POC1B: variants seen among roughly 807,000 people sequenced by gnomAD.
POC1B encodes POC1 centriolar protein homolog B.
Under a neutral mutation model 60.6 loss-of-function variants are expected in POC1B, and 44 were observed. The observed-to-expected ratio is 0.73, with a 90% CI of 0.57 to 0.93. The LOEUF is 0.93. Among genes scored for constraint, POC1B ranks in the 40% least tolerant of loss-of-function variants. The pLI is 0.00. For missense variants in POC1B, 555 were observed against 572.3 expected (o/e 0.97, Z 0.31); for synonymous variants, 180 against 198.9 (o/e 0.90, Z 0.80).
chr12:89,524,991 C>T (rs1704648417), intron 2 of POC1B, 129 bp downstream of exon 2: 1 of 1,392,054 alleles, frequency 7.2e-7, no homozygotes, highest in South Asian at 1.3e-5. Context: ...GGGCCCTCGT[C>T]TCCGGGTGCT....
chr12:89,506,167 A>G (rs1402304244), intron 2 of POC1B, among the ~76,000 whole-genome samples: 1 of 152,226 alleles, frequency 6.6e-6, no homozygotes, highest in Non-Finnish European at 1.5e-5. Flanking sequence ...CTGACTGTAC[A>G]GTGTGGTGGT....
At chr12:89,507,350 A>T (rs772584421) in intron 2 of POC1B, among the ~76,000 whole-genome samples, 1 of 152,022 alleles carries the variant, frequency 6.6e-6, no homozygotes, top group East Asian at 1.9e-4. Flanking sequence ...TTCTTAGGAA[A>T]GAACTGTCCT....
intron 10 of POC1B, among the ~76,000 whole-genome samples, chr12:89,440,604 A>C (rs891056321): frequency 5.3e-5 from 8 of 152,234 alleles, no homozygotes; most frequent in Non-Finnish European, 1.2e-4. Flanking sequence ...AGCCTGACCA[A>C]TATGGAGAAA....
At chr12:89,525,698 C>T in intron 1 of POC1B, 183 bp downstream of exon 1, 3 of 1,256,516 alleles carry the variant, frequency 2.4e-6, no homozygotes, top group Non-Finnish European at 3.1e-6. Context: ...GTCTGGGTTC[C>T]GCACTCCGTC....
intron 2 of POC1B, chr12:89,500,579 T>C (rs1869507035): frequency 1.2e-6 from 2 of 1,605,398 alleles, no homozygotes; most frequent in Non-Finnish European, 1.7e-6. Flanking sequence ...TTCTGTTCTT[T>C]TGGATGCAAA....
rs546987091 is a variant in POC1B at position 89,492,141 on chromosome 12, T to C, written c.273-26A>G. Reference sequence around the variant, plus strand: ...CTGGAAATAAACAGTTTAATATTTATAACTCATTTGATTTAATTATAGTTA... The same window carrying C: ...CTGGAAATAAACAGTTTAATATTTACAACTCATTTGATTTAATTATAGTTA... On this transcript the variant is annotated intron_variant, in intron 3 of 11. Coordinates refer to ENST00000313546, the MANE Select transcript of POC1B (RefSeq NM_172240.3). The C allele has an allele frequency of 4.8e-6, 7 of 1,471,354 alleles. No homozygotes were observed. The East Asian group carries it at 1.6e-4, about 34-fold the overall frequency. 91.1% of individuals were successfully genotyped at this position (1,471,354 alleles called of 1,614,324 possible).
chr12:89,525,501 G>T, intron 1 of POC1B: 1 of 1,313,568 alleles, frequency 7.6e-7, no homozygotes, highest in Non-Finnish European at 9.7e-7. Context: ...CCCGGGCCCC[G>T]CCCGCTGGCC....
chr12:89,458,537 G>C (rs1403021969), intron 10 of POC1B, among the ~76,000 whole-genome samples: 2 of 152,102 alleles, frequency 1.3e-5, no homozygotes, highest in African/African-American at 4.8e-5. Context: ...CTCCTAATGA[G>C]AGATCTAGGA....
At chr12:89,437,757 T>C (rs1881331392) in intron 10 of POC1B, among the ~76,000 whole-genome samples, 1 of 152,142 alleles carries the variant, frequency 6.6e-6, no homozygotes, top group African/African-American at 2.4e-5. Flanking sequence ...AAATAAGATT[T>C]TAAAAATTGG....
chr12:89,447,865 T>C (rs138380203), intron 10 of POC1B, among the ~76,000 whole-genome samples: 14 of 152,208 alleles, frequency 9.2e-5, no homozygotes, highest in Admixed American at 2.0e-4. Flanking sequence ...GTGTTAATAC[T>C]GTAACACATA....
intron 7 of POC1B, among the ~76,000 whole-genome samples, chr12:89,469,000 T>C (rs1219646875): frequency 6.6e-6 from 1 of 152,194 alleles, no homozygotes; most frequent in East Asian, 1.9e-4. Context: ...CACAGTGGCT[T>C]ACACTTGTAA....
chr12:89,452,666 C>G (rs1179877616), intron 10 of POC1B, among the ~76,000 whole-genome samples: 1 of 151,880 alleles, frequency 6.6e-6, no homozygotes, highest in Non-Finnish European at 1.5e-5. Context: ...GTGATTATTA[C>G]TATTTTTATT....
the POC1B span, among the ~76,000 whole-genome samples, chr12:89,410,533 A>G: frequency 6.6e-6 from 1 of 152,102 alleles, no homozygotes; most frequent in Non-Finnish European, 1.5e-5. Context: ...ACAAAACATT[A>G]GCCGGGCATG....
intron 2 of POC1B, chr12:89,502,441 T>C: frequency 7.7e-7 from 1 of 1,291,246 alleles, no homozygotes. Flanking sequence ...AGGCAAAATA[T>C]CGTCTAAAAG....
intron 10 of POC1B, among the ~76,000 whole-genome samples, chr12:89,429,731 G>C (rs1406839206): frequency 6.6e-6 from 1 of 152,170 alleles, no homozygotes; most frequent in African/African-American, 2.4e-5. Flanking sequence ...TGGCACTGCT[G>C]AATGAGCAGG....
chr12:89,474,049 T>C (rs1167841251), intron 4 of POC1B, among the ~76,000 whole-genome samples: 1 of 151,786 alleles, frequency 6.6e-6, no homozygotes, highest in East Asian at 2.0e-4. Flanking sequence ...TACTAAAAAA[T>C]ACAAAAATTA....
At chr12:89,501,368 G>A (rs771029982) in intron 2 of POC1B, 5 of 1,032,056 alleles carry the variant, frequency 4.8e-6, no homozygotes, top group African/African-American at 1.6e-5. Context: ...CAAAAACAGA[G>A]AAGAAAATTT....
At chr12:89,439,561 T>C (rs10858852) in intron 10 of POC1B, among the ~76,000 whole-genome samples, 29,407 of 152,114 alleles carry the variant, frequency 0.19, 3,256 homozygotes, top group South Asian at 0.36. Flanking sequence ...AAGCACACTG[T>C]CCATGAATCA....
At chr12:89,446,946 A>G (rs1026567448) in intron 10 of POC1B, among the ~76,000 whole-genome samples, 2 of 152,158 alleles carry the variant, frequency 1.3e-5, no homozygotes, top group East Asian at 3.9e-4. Context: ...TAAACAAAAC[A>G]TATTCACAAA....
Sources: gnomAD v4.1 joint callset for allele counts (sites outside exome capture counted in the v4.1 genomes callset) on GRCh38, gnomAD v4.1.1 for gene constraint, MANE v1.5 for transcripts, NCBI Gene and HGNC (gene_info 2026-07-23, HGNC 2026-07-21) for gene names.